The following NCKAP5 variants were observed in gnomAD, a reference collection of about 807,000 sequenced individuals.
NCKAP5 encodes the protein NCK associated protein 5.
In NCKAP5, 92 loss-of-function variants were observed where a neutral mutation model predicts 167.0. That is an observed-to-expected ratio of 0.55 (90% CI 0.47 to 0.66). The LOEUF (loss-of-function observed/expected upper bound fraction) is 0.66. NCKAP5 is among the 30% of genes least tolerant of loss of function. NCKAP5 has a pLI of 0.00. For synonymous variants in NCKAP5, 891 were observed against 877.4 expected (o/e 1.02, Z -0.27); for missense variants, 2,378 against 2,315.0 (o/e 1.03, Z -0.56).
intron 7 of NCKAP5, among the ~76,000 whole-genome samples, chr2:132,983,346 T>C (rs568768919): frequency 6.6e-6 from 1 of 152,300 alleles, no homozygotes; most frequent in East Asian, 1.9e-4. Context: ...AGAACTATGT[T>C]GAATAGAAGT....
intron 6 of NCKAP5, among the ~76,000 whole-genome samples, chr2:133,060,582 CT>C (rs1212264105): frequency 6.6e-6 from 1 of 152,204 alleles, no homozygotes; most frequent in Non-Finnish European, 1.5e-5. Context: ...TCACTGCCAA[CT>C]CTAATCCTTG....
At chr2:133,433,004 T>C (rs1236938580) in intron 3 of NCKAP5, among the ~76,000 whole-genome samples, 3 of 152,186 alleles carry the variant, frequency 2.0e-5, no homozygotes, top group Non-Finnish European at 4.4e-5. Flanking sequence ...AACATTTTTA[T>C]AGCTCTTGAC....
At chr2:133,074,923 T>C (rs2080547766) in intron 6 of NCKAP5, among the ~76,000 whole-genome samples, 1 of 152,074 alleles carries the variant, frequency 6.6e-6, no homozygotes, top group Admixed American at 6.6e-5. Context: ...AGAAAAAGAA[T>C]ATTTGAAGAA....
chr2:133,065,487 T>A (rs572331337), intron 6 of NCKAP5, among the ~76,000 whole-genome samples: 1 of 152,220 alleles, frequency 6.6e-6, no homozygotes, highest in East Asian at 1.9e-4. Context: ...TATCTGGGCA[T>A]GGTGGCGCGT....
intron 12 of NCKAP5, among the ~76,000 whole-genome samples, chr2:132,790,903 T>G (rs888570367): frequency 1.1e-4 from 17 of 152,188 alleles, no homozygotes; most frequent in African/African-American, 3.1e-4. Flanking sequence ...GGTCTTATTT[T>G]ATCTAGCCAT....
At chr2:133,657,225 G>C in the NCKAP5 span, among the ~76,000 whole-genome samples, 1 of 152,254 alleles carries the variant, frequency 6.6e-6, no homozygotes, top group South Asian at 2.1e-4. Flanking sequence ...GTGTGCCCCA[G>C]TTCTCTTCCC....
intron 6 of NCKAP5, among the ~76,000 whole-genome samples, chr2:132,997,817 C>T (rs922628325): frequency 1.3e-5 from 2 of 148,450 alleles, no homozygotes; most frequent in East Asian, 2.0e-4. Context: ...AAAAAAAAAT[C>T]GGTGCAAAGA....
intron 5 of NCKAP5, among the ~76,000 whole-genome samples, chr2:133,186,579 C>A (rs555886125): frequency 4.7e-4 from 71 of 152,158 alleles, no homozygotes; most frequent in African/African-American, 1.7e-3. Flanking sequence ...TCAATCTGGT[C>A]CAGGGCTCTT....
the NCKAP5 span, among the ~76,000 whole-genome samples, chr2:133,593,376 A>G: frequency 6.6e-6 from 1 of 152,134 alleles, no homozygotes; most frequent in Non-Finnish European, 1.5e-5. Context: ...CAAAATTAAA[A>G]AAAAAAAGCC....
At chr2:133,357,018 G>T (rs1333769975) in intron 3 of NCKAP5, among the ~76,000 whole-genome samples, 2 of 152,052 alleles carry the variant, frequency 1.3e-5, no homozygotes, top group Admixed American at 6.6e-5. Flanking sequence ...AGATATATTT[G>T]CACTAATTGT....
the NCKAP5 span, among the ~76,000 whole-genome samples, chr2:133,654,389 T>TAAAC: frequency 6.7e-6 from 1 of 150,146 alleles, no homozygotes; most frequent in African/African-American, 2.5e-5. Flanking sequence ...AATAAATAAA[T>TAAAC]AAATAAATAA....
At chr2:133,274,122 A>G (rs2089632732) in intron 4 of NCKAP5, among the ~76,000 whole-genome samples, 3 of 151,948 alleles carry the variant, frequency 2.0e-5, no homozygotes, top group Non-Finnish European at 4.4e-5. Context: ...TATCACCAAT[A>G]TTATCAGCAT....
chr2:133,526,023 G>A (rs928548889), intron 2 of NCKAP5, among the ~76,000 whole-genome samples: 25 of 152,036 alleles, frequency 1.6e-4, no homozygotes, highest in Non-Finnish European at 1.3e-4. Context: ...TAGATACTCT[G>A]TTGGTATAAT....
chr2:132,812,949 C>T (rs1408818344), intron 11 of NCKAP5, among the ~76,000 whole-genome samples: 2 of 152,162 alleles, frequency 1.3e-5, no homozygotes, highest in African/African-American at 4.8e-5. Flanking sequence ...TTCATAAGAG[C>T]TCTCATGCTC....
intron 2 of NCKAP5, among the ~76,000 whole-genome samples, chr2:133,542,666 G>C (rs186459705): frequency 1.3e-5 from 2 of 152,136 alleles, no homozygotes; most frequent in Non-Finnish European, 2.9e-5. Context: ...TTTACACTGT[G>C]ATCTTCATCC....
At chr2:132,970,457 G>C (rs980559963) in intron 7 of NCKAP5, among the ~76,000 whole-genome samples, 18 of 152,140 alleles carry the variant, frequency 1.2e-4, no homozygotes, top group Admixed American at 1.3e-4. Context: ...TTTTTATGGA[G>C]TTTAATCAAG....
intron 3 of NCKAP5, among the ~76,000 whole-genome samples, chr2:133,462,673 T>C (rs1326080142): frequency 3.3e-5 from 5 of 152,182 alleles, no homozygotes; most frequent in African/African-American, 1.2e-4. Flanking sequence ...GATTTCTTGA[T>C]CTGTAAAATG....
intron 3 of NCKAP5, among the ~76,000 whole-genome samples, chr2:133,449,829 C>CT (rs549983532): frequency 4.7e-4 from 69 of 145,922 alleles, no homozygotes; most frequent in Non-Finnish European, 4.8e-4. Flanking sequence ...CAGTTTCCAG[C>CT]TTTTTTTTTT....
At chr2:133,464,357 A>C (rs1427707966) in intron 3 of NCKAP5, among the ~76,000 whole-genome samples, 1 of 152,194 alleles carries the variant, frequency 6.6e-6, no homozygotes, top group Non-Finnish European at 1.5e-5. Flanking sequence ...CATAGTACCT[A>C]GGTACAAAAA....
Sources: allele counts gnomAD v4.1 joint callset (sites outside exome capture counted in the v4.1 genomes callset), GRCh38; gene constraint gnomAD v4.1.1; transcripts MANE v1.5; gene names NCBI Gene and HGNC (gene_info 2026-07-23, HGNC 2026-07-21).